Variants in NEBL observed in about 807,000 individuals in gnomAD.
NEBL encodes LIM and SH3 protein 2.
In NEBL, 122 loss-of-function variants were observed where a neutral mutation model predicts 140.2. That is an observed-to-expected ratio of 0.87 (90% CI 0.75 to 1.01). The LOEUF (loss-of-function observed/expected upper bound fraction) is 1.01. Among genes scored for constraint, NEBL ranks in the 50% least tolerant of loss-of-function variants. The pLI, the probability that NEBL is intolerant of heterozygous loss-of-function variation, is 0.00. For synonymous variants in NEBL, 436 were observed against 398.9 expected (o/e 1.09, Z -1.11); for missense variants, 1,365 against 1,231.3 (o/e 1.11, Z -1.62).
chr10:20,975,658 T>C (rs1836763741), intron 3 of NEBL, among the ~76,000 whole-genome samples: 2 of 152,294 alleles, frequency 1.3e-5, no homozygotes, highest in South Asian at 4.1e-4. Context: ...ATACCTACAG[T>C]CATTACATAA....
In NEBL at chr10:20,812,870, G is replaced by A. The variant is rs200705273; in HGVS notation, c.2417C>T (p.Thr806Ile). The A allele has an allele frequency of 4.1e-4, 657 of 1,613,968 alleles. No homozygotes were observed. Among genetic ancestry groups the A allele is most frequent in the Non-Finnish European group, 5.0e-4 (594 of 1,179,904 alleles). The change falls in exon 24 of 28, where the codon ACA (threonine) becomes ATA (isoleucine). Residue 806 changes from threonine to isoleucine, a missense_variant. Thr to Ile is a moderately conservative substitution (Grantham distance 89). Coordinates refer to ENST00000377122, the MANE Select transcript of NEBL (RefSeq NM_006393.3). The part of the protein sequence containing the change: ...GFTPVVDDPV[T>I]ERVRKNTQVV... ...CTGGGTGTTCTTCCTCACTCTCTCT[G>A]TCACAGGATCGTCCACGACGGGAGT...
chr10:20,869,915 A>T lies in NEBL; in HGVS notation c.481-74T>A, dbSNP rs1588887154. 3.0e-6 allele frequency: 3 copies of T among 995,934 alleles called. No homozygotes were observed. In the East Asian group the frequency reaches 7.3e-5, roughly 24 times the overall value. The allele number at this position is 995,934 out of a possible 1,614,324, so 61.7% of individuals were successfully genotyped here. A position where few individuals can be genotyped will look rare whatever the true frequency, so the allele number is the denominator to read the frequency against. On this transcript the variant is annotated intron_variant, in intron 5 of 27. Coordinates refer to ENST00000377122, the MANE Select transcript of NEBL (RefSeq NM_006393.3). Reference sequence around the variant, plus strand: ...CATAGCTACTAGTCTTAGTGTTCATAACATTATTTATTCTCATAATAATAG... The same window carrying T: ...CATAGCTACTAGTCTTAGTGTTCATTACATTATTTATTCTCATAATAATAG...
intron 2 of NEBL, among the ~76,000 whole-genome samples, chr10:21,144,826 A>G (rs1342558283): frequency 1.3e-5 from 2 of 152,156 alleles, no homozygotes; most frequent in Non-Finnish European, 2.9e-5. Flanking sequence ...CTAGCTATTC[A>G]CGTCATATGT....
intron 26 of NEBL, among the ~76,000 whole-genome samples, chr10:20,798,304 T>C (rs1836775426): frequency 6.6e-6 from 1 of 152,052 alleles, no homozygotes; most frequent in African/African-American, 2.4e-5. Flanking sequence ...CGTGGAAATA[T>C]TAAAGAGTTC....
At chr10:21,278,582 C>T (rs1842952646) in intron 1 of NEBL, among the ~76,000 whole-genome samples, 1 of 152,150 alleles carries the variant, frequency 6.6e-6, no homozygotes, top group South Asian at 2.1e-4. Flanking sequence ...AGGCCAAGAC[C>T]CACTTCCAAC....
At chr10:21,245,247 C>T (rs1842500974) in intron 3 of NEBL, among the ~76,000 whole-genome samples, 1 of 152,148 alleles carries the variant, frequency 6.6e-6, no homozygotes, top group Non-Finnish European at 1.5e-5. Context: ...AATACTCAAC[C>T]TAAGAGAGCA....
Position 21,099,515 on chromosome 10 carries a change from T to C in NEBL, c.164+72868A>G, listed in dbSNP as rs76577880. Reference sequence around the variant, plus strand: ...CATATGTTCCCCCAACCACCACCCCTTTCAATTTCCTCTCTGCTTTTATTT... The same window carrying C: ...CATATGTTCCCCCAACCACCACCCCCTTCAATTTCCTCTCTGCTTTTATTT... On this transcript the variant is annotated intron_variant, in intron 2 of 6. Transcript: ENST00000417816. Among the ~76,000 whole-genome samples, 92 of 152,258 alleles carry C rather than the reference T, an allele frequency of 6.0e-4. 9 individuals carry two copies. In the East Asian group the frequency reaches 0.018, roughly 29 times the overall value.
intron 2 of NEBL, among the ~76,000 whole-genome samples, chr10:21,170,941 A>T (rs898193565): frequency 6.6e-6 from 1 of 152,190 alleles, no homozygotes; most frequent in Non-Finnish European, 1.5e-5. Context: ...AACTGTAGGG[A>T]GGATGAATCT....
rs560551621 is a variant in NEBL at position 21,020,395 on chromosome 10, T to A, written c.165-194A>T. On this transcript the variant is annotated intron_variant, in intron 2 of 6. Transcript: ENST00000417816. ...TTCTCATGGCTCTGTCGCCCAGACA[T>A]CCTCACTCTCTCCCACAGCTTAACC... is the stretch of plus-strand genomic sequence containing the variant. Among the ~76,000 whole-genome samples, 6 of 152,052 alleles carry A rather than the reference T, an allele frequency of 3.9e-5. No homozygotes were observed. In the South Asian group the frequency reaches 1.2e-3, roughly 32 times the overall value.
chr10:21,209,215 G>T (rs752037294), intron 3 of NEBL, among the ~76,000 whole-genome samples: 2 of 152,180 alleles, frequency 1.3e-5, no homozygotes, highest in Non-Finnish European at 2.9e-5. Context: ...TTTTTAAAAA[G>T]ACTTTTCTGG....
rs1411227368 is a variant in NEBL at position 21,226,988 on chromosome 10, A to T, written n.348+20933T>A. 2.0e-5 allele frequency among the ~76,000 whole-genome samples: 3 copies of T among 151,900 alleles called. No homozygotes were observed. In the East Asian group the frequency reaches 5.8e-4, roughly 29 times the overall value. ...TTTTTTTTTAATATTACATTTCCCC[A>T]CTTCAGAATATCACTCTGGAGTTGG... On this transcript the variant is annotated intron_variant and non_coding_transcript_variant, in intron 3 of 8. Transcript: ENST00000675702.
At chr10:21,156,917 T>C (rs189215822) in intron 2 of NEBL, among the ~76,000 whole-genome samples, 3 of 152,320 alleles carry the variant, frequency 2.0e-5, no homozygotes, top group Middle Eastern at 3.4e-3. Flanking sequence ...ACTATGTCAT[T>C]TTCTATAAAA....
At chr10:20,981,020 C>T (rs187856031) in intron 3 of NEBL, among the ~76,000 whole-genome samples, 1 of 152,164 alleles carries the variant, frequency 6.6e-6, no homozygotes, top group Non-Finnish European at 1.5e-5. Flanking sequence ...AAACTCCTGG[C>T]CCCAAGCGAT....
intron 1 of NEBL, among the ~76,000 whole-genome samples, chr10:21,273,511 T>C (rs1220098995): frequency 6.6e-6 from 1 of 152,118 alleles, no homozygotes; most frequent in African/African-American, 2.4e-5. Context: ...TGGGCTGAGA[T>C]CCAATTTGTG....
chr10:20,988,930 A>G (rs1837356277), intron 3 of NEBL, among the ~76,000 whole-genome samples: 1 of 152,262 alleles, frequency 6.6e-6, no homozygotes, highest in South Asian at 2.1e-4. Context: ...CAGTCCATAG[A>G]GAAGTGCATG....
intron 2 of NEBL, among the ~76,000 whole-genome samples, chr10:21,132,969 GT>G (rs1839184710): frequency 6.6e-6 from 1 of 152,150 alleles, no homozygotes; most frequent in Non-Finnish European, 1.5e-5. Flanking sequence ...AAGGACAGGT[GT>G]TTTTAAATGT....
intron 1 of NEBL, among the ~76,000 whole-genome samples, chr10:21,267,139 T>C (rs560229007): frequency 6.6e-6 from 1 of 151,054 alleles, no homozygotes; most frequent in East Asian, 2.0e-4. Flanking sequence ...CATGCCCAGG[T>C]AATTTTTTGT....
chr10:21,213,366 G>A (rs575936699), intron 3 of NEBL, among the ~76,000 whole-genome samples: 1 of 152,246 alleles, frequency 6.6e-6, no homozygotes, highest in South Asian at 2.1e-4. Flanking sequence ...CAAAACAGAT[G>A]GAGATGTAGA....
intron 1 of NEBL, among the ~76,000 whole-genome samples, chr10:21,285,055 C>T (rs1178201340): frequency 6.6e-6 from 1 of 152,126 alleles, no homozygotes; most frequent in East Asian, 1.9e-4. Flanking sequence ...AGCAAAATCC[C>T]ACCTCTATAA....
Sources: gnomAD v4.1 joint callset for allele counts (sites outside exome capture counted in the v4.1 genomes callset) on GRCh38, gnomAD v4.1.1 for gene constraint, MANE v1.5 for transcripts, NCBI Gene and HGNC (gene_info 2026-07-23, HGNC 2026-07-21) for gene names.